CNKSR2: variants seen among roughly 807,000 people sequenced by gnomAD.
CNKSR2 encodes the protein CNK homolog protein 2.
Under a neutral mutation model 84.4 loss-of-function variants are expected in CNKSR2, and 14 were observed. The ratio of observed to expected loss-of-function variants is 0.17; its 90% CI spans 0.11 to 0.26. The LOEUF is 0.26. Among genes scored for constraint, CNKSR2 ranks in the 10% least tolerant of loss-of-function variants. CNKSR2 has a pLI of 1.00. For missense variants in CNKSR2, 485 were observed against 771.2 expected (o/e 0.63, Z 4.40); for synonymous variants, 275 against 277.9 (o/e 0.99, Z 0.10).
intron 20 of CNKSR2, among the ~76,000 whole-genome samples, chrX:21,623,117 A>AT (rs1472656544): frequency 9.0e-6 from 1 of 111,372 alleles, no homozygotes; most frequent in Non-Finnish European, 1.9e-5. Flanking sequence ...TTTTTGTTAG[A>AT]TCCAAGTCCT....
chrX:21,376,386 A>G (rs1404257597), intron 1 of CNKSR2, among the ~76,000 whole-genome samples: 1 of 112,026 alleles, frequency 8.9e-6, no homozygotes, highest in Non-Finnish European at 1.9e-5. Context: ...ACTGCTTTGT[A>G]ACTGCTAAGC....
In CNKSR2 at chrX:21,563,253, G is replaced by A. The variant is rs769794250; in HGVS notation, c.1409G>A (p.Arg470Gln). ...TTTTATATAGAAAACTCTCTACTTC[G>A]GTATATGAGCAATGAAAAGATTGCT... The part of the protein sequence containing the change: ...RDSRRENSLL[R>Q]YMSNEKIAQE... Residue 470 changes from arginine to glutamine, a missense_variant, in exon 13 of 22, where the codon CGG becomes CAG. This residue lies in a region of CNKSR2 where 132 missense variants were observed against 166.7 expected (regional missense o/e 0.79). Coordinates refer to ENST00000379510, the MANE Select transcript of CNKSR2 (RefSeq NM_014927.5). 4 of 1,201,212 alleles carry A rather than the reference G, an allele frequency of 3.3e-6. No individual in the cohort carries two copies. The highest frequency in any genetic ancestry group is 3.5e-5 in the African/African-American group (2 of 57,223).
intron 2 of CNKSR2, among the ~76,000 whole-genome samples, chrX:21,431,115 C>G (rs2147064668): frequency 9.0e-6 from 1 of 111,534 alleles, no homozygotes; most frequent in East Asian, 2.8e-4. Flanking sequence ...GTTTAGGCAT[C>G]AAAACCTTCC....
At chrX:21,640,291 A>G (rs886514270) in intron 20 of CNKSR2, among the ~76,000 whole-genome samples, 4 of 111,927 alleles carry the variant, frequency 3.6e-5, no homozygotes, top group African/African-American at 1.3e-4. Flanking sequence ...TTAAACTTAG[A>G]AATGACCTTG....
At chrX:21,375,009 C>T in intron 1 of CNKSR2, 48 bp downstream of exon 1, 1 of 1,075,016 alleles carries the variant, frequency 9.3e-7, no homozygotes, top group South Asian at 1.9e-5. Context: ...GCGCGGGGCA[C>T]CAGTGCGAGG....
intron 6 of CNKSR2, 30 bp downstream of exon 6, chrX:21,490,608 C>A (rs753596946): frequency 8.4e-7 from 1 of 1,194,081 alleles, no homozygotes; most frequent in East Asian, 3.0e-5. Flanking sequence ...TCAAAACCAC[C>A]ATCCATCAGT....
rs990841838 is a variant in CNKSR2 at position 21,609,105 on chromosome X, A to T, written c.2180A>T (p.His727Leu). The T allele has an allele frequency of 1.7e-6, 2 of 1,208,631 alleles. No individual in the cohort carries two copies. Among genetic ancestry groups the T allele is most frequent in the Middle Eastern group, 2.4e-4 (1 of 4,246 alleles). The change falls in exon 20 of 22, where the codon CAT becomes CTT. Residue 727 changes from histidine (H) to leucine (L), a missense_variant. Physicochemically the swap from His to Leu is moderately conservative, Grantham distance 99. Coordinates refer to ENST00000379510, the MANE Select transcript of CNKSR2 (RefSeq NM_014927.5). Reference sequence around the variant, plus strand: ...GCCAGTCCTTATGTGGAAGCAAAACATAGCCGACTTTCCTCCACGGAGACT... The same window carrying T: ...GCCAGTCCTTATGTGGAAGCAAAACTTAGCCGACTTTCCTCCACGGAGACT... ...SCASPYVEAK[H>L]SRLSSTETSQ...
At chrX:21,499,730 G>A (rs751505008) in intron 7 of CNKSR2, among the ~76,000 whole-genome samples, 1 of 110,386 alleles carries the variant, frequency 9.1e-6, no homozygotes, top group Admixed American at 9.7e-5. Flanking sequence ...GCTCACTAGA[G>A]TGGGTAAGTT....
chrX:21,525,524 A>G (rs1239522042), intron 9 of CNKSR2, among the ~76,000 whole-genome samples: 1 of 110,486 alleles, frequency 9.1e-6, no homozygotes. Context: ...ATTAGAATTT[A>G]ACTGTCATTT....
At chrX:21,648,029 T>G (rs1386585855) in intron 20 of CNKSR2, among the ~76,000 whole-genome samples, 4 of 111,784 alleles carry the variant, frequency 3.6e-5, no homozygotes, top group African/African-American at 1.3e-4. Context: ...TCTAAGACCC[T>G]TATTGAGCCA....
At chrX:21,435,850 A>G (rs1389316447) in intron 3 of CNKSR2, among the ~76,000 whole-genome samples, 1 of 111,283 alleles carries the variant, frequency 9.0e-6, no homozygotes, top group Non-Finnish European at 1.9e-5. Context: ...TACCAGTAAT[A>G]CCCAATTCTG....
intron 20 of CNKSR2, among the ~76,000 whole-genome samples, chrX:21,614,745 T>TA (rs995801655): frequency 3.6e-5 from 4 of 111,456 alleles, no homozygotes; most frequent in Non-Finnish European, 5.7e-5. Flanking sequence ...ATTTTTTGGC[T>TA]AAAAAAATGA....
At chrX:21,532,466 G>T (rs1226801513) in intron 11 of CNKSR2, among the ~76,000 whole-genome samples, 14 of 109,835 alleles carry the variant, frequency 1.3e-4, no homozygotes, top group Non-Finnish European at 1.1e-4. Context: ...ATTCCTCAGG[G>T]ATTTTAAGAA....
chrX:21,628,179 C>A (rs1436563948), intron 20 of CNKSR2, among the ~76,000 whole-genome samples: 1 of 112,175 alleles, frequency 8.9e-6, no homozygotes, highest in Non-Finnish European at 1.9e-5. Context: ...CTCCATGTCT[C>A]ACATACAGGT....
intron 20 of CNKSR2, among the ~76,000 whole-genome samples, chrX:21,636,602 C>T (rs1372563786): frequency 1.8e-5 from 2 of 110,923 alleles, no homozygotes; most frequent in African/African-American, 6.5e-5. Flanking sequence ...TATTAATAAC[C>T]TCAAAATAAC....
chrX:21,563,871 C>T (rs1477111881), intron 13 of CNKSR2, among the ~76,000 whole-genome samples: 3 of 110,676 alleles, frequency 2.7e-5, no homozygotes, highest in Non-Finnish European at 5.7e-5. Flanking sequence ...AATGGGAAGA[C>T]GTGAGACACC....
chrX:21,575,756 C>T (rs188379596), intron 13 of CNKSR2, among the ~76,000 whole-genome samples: 306 of 111,696 alleles, frequency 2.7e-3, no homozygotes, highest in African/African-American at 9.5e-3. Flanking sequence ...CTTTAGCCAA[C>T]GGACTCTCTT....
chrX:21,648,386 A>G (rs145735359), intron 20 of CNKSR2, among the ~76,000 whole-genome samples: 5,890 of 111,564 alleles, frequency 0.053, 144 homozygotes, highest in Non-Finnish European at 0.059. Flanking sequence ...GGCGAGCTCT[A>G]TTAATCAGCA....
At chrX:21,505,055 C>T (rs1013406403) in intron 8 of CNKSR2, 1 of 248,070 alleles carries the variant, frequency 4.0e-6, no homozygotes, top group African/African-American at 2.8e-5. Context: ...ACTTTTAACA[C>T]ATTTTTTTAG....
Sources: allele counts gnomAD v4.1 joint callset (sites outside exome capture counted in the v4.1 genomes callset), GRCh38; gene constraint gnomAD v4.1.1; regional missense constraint gnomAD v4.1.1; transcripts MANE v1.5; gene names NCBI Gene and HGNC (gene_info 2026-07-23, HGNC 2026-07-21).